The following PPP1R12B variants were observed in gnomAD, a reference collection of about 807,000 sequenced individuals.
The protein encoded by PPP1R12B is myosin phosphatase target subunit 2.
In PPP1R12B, 76 loss-of-function variants were observed where a neutral mutation model predicts 126.1. The observed-to-expected ratio is 0.60, with a 90% CI of 0.50 to 0.73. The LOEUF is 0.73. Ranked by LOEUF, PPP1R12B falls within the 30% of genes least tolerant of loss-of-function variation. The pLI is 0.00. For synonymous variants in PPP1R12B, 356 were observed against 434.7 expected, an observed-to-expected ratio of 0.82 and a Z score of 2.25; for missense variants, 1,052 against 1,205.1, an observed-to-expected ratio of 0.87 and a Z score of 1.88.
In PPP1R12B at chr1:202,565,230, C is replaced by T. The variant is rs1240276111; in HGVS notation, c.2757+683C>T. Among the ~76,000 whole-genome samples, 5 of 152,214 alleles carry T rather than the reference C, an allele frequency of 3.3e-5. No homozygotes were observed. The highest frequency in any genetic ancestry group is 2.1e-4 in the South Asian group (1 of 4,830). ...ACCTTGTCACCAGTGAAACAAACTC[C>T]GCAGCTGAAAGCTAAAGCAAGCACT... On this transcript the variant is annotated intron_variant, in intron 21 of 23. Coordinates refer to ENST00000608999, the MANE Select transcript of PPP1R12B (RefSeq NM_002481.4). This position sits in a 1 kb window ranked among gnomAD's most constrained non-coding sequence, Gnocchi z 4.3.
Position 202,348,858 on chromosome 1 carries a change from G to A in PPP1R12B, c.7G>A (p.Glu3Lys), listed in dbSNP as rs750899954. 3 of 1,608,168 alleles carry A rather than the reference G, an allele frequency of 1.9e-6. No individual in the cohort carries two copies. Among genetic ancestry groups the A allele is most frequent in the Non-Finnish European group, 2.5e-6 (3 of 1,178,572 alleles). Residue 3 changes from glutamate (E) to lysine (K), a missense_variant, in exon 1 of 24, where the codon GAA becomes AAA. Physicochemically the swap from Glu to Lys is moderately conservative, Grantham distance 56. Transcript: ENST00000608999. MA[E>K]LEHLGGKRAE... is the part of the protein sequence containing the mutation. ...AGCTGCCGAGGCCGGAGCAATGGCGGAACTGGAGCACCTAGGAGGGAAGCG... is the reference window on the plus strand; with the variant it reads ...AGCTGCCGAGGCCGGAGCAATGGCGAAACTGGAGCACCTAGGAGGGAAGCG...
intron 13 of PPP1R12B, among the ~76,000 whole-genome samples, chr1:202,459,466 A>G (rs1674042139): frequency 1.3e-5 from 2 of 152,242 alleles, no homozygotes; most frequent in African/African-American, 4.8e-5. Flanking sequence ...CATACACAGT[A>G]CAGAACTTGT....
intron 23 of PPP1R12B, chr1:202,575,165 C>T: frequency 1.2e-6 from 2 of 1,602,618 alleles, no homozygotes. Flanking sequence ...AACTCACTTC[C>T]CTCCTCCACT....
intron 15 of PPP1R12B, among the ~76,000 whole-genome samples, chr1:202,493,545 C>A (rs552372077): frequency 6.6e-6 from 1 of 152,036 alleles, no homozygotes; most frequent in South Asian, 2.1e-4. Context: ...GAATAAATGT[C>A]CTTCTAGTCT....
At chr1:202,574,839 A>T in intron 23 of PPP1R12B, 2 of 612,562 alleles carry the variant, frequency 3.3e-6, no homozygotes, top group Non-Finnish European at 5.5e-6. Context: ...CCTGCCACCC[A>T]TTTGCTCCAT....
At position 202,496,835 on chromosome 1, in the gene PPP1R12B, C is replaced by A. The variant is rs1428643002; in HGVS notation, c.2490+13C>A. ...CAAAGAAACGTGGGTAAGTGACAAG[C>A]CAGTGAAGCATGTCTCTTGAGAGCA... On this transcript the variant is annotated intron_variant, in intron 18 of 23. Transcript: ENST00000608999. 7 of 1,606,548 alleles carry A rather than the reference C, an allele frequency of 4.4e-6. No individual in the cohort carries two copies. Among genetic ancestry groups the A allele is most frequent in the Non-Finnish European group, 6.0e-6 (7 of 1,173,632 alleles).
At chr1:202,514,799 C>G (rs1681922285) in intron 18 of PPP1R12B, among the ~76,000 whole-genome samples, 2 of 152,096 alleles carry the variant, frequency 1.3e-5, no homozygotes, top group South Asian at 4.1e-4. Context: ...TGGGTATATA[C>G]TCAGAGGAAT....
intron 13 of PPP1R12B, among the ~76,000 whole-genome samples, chr1:202,452,832 C>CTT (rs998403194): frequency 1.4e-5 from 2 of 142,262 alleles, no homozygotes; most frequent in Admixed American, 7.0e-5. Flanking sequence ...CTCTCTCTCT[C>CTT]TTTTTTTTTT....
chr1:202,536,620 A>G (rs1684554131), intron 18 of PPP1R12B, among the ~76,000 whole-genome samples: 1 of 152,186 alleles, frequency 6.6e-6, no homozygotes, highest in Non-Finnish European at 1.5e-5. Context: ...TTCTTCAATA[A>G]TAAATAACCT....
chr1:202,377,208 G>A (rs1661308964), intron 1 of PPP1R12B, among the ~76,000 whole-genome samples: 1 of 151,578 alleles, frequency 6.6e-6, no homozygotes, highest in Non-Finnish European at 1.5e-5. Flanking sequence ...AGAAGATAGA[G>A]GTTACTTTCA....
intron 18 of PPP1R12B, chr1:202,502,196 C>T (rs1472674485): frequency 7.1e-6 from 7 of 984,776 alleles, no homozygotes; most frequent in Non-Finnish European, 7.2e-6. Flanking sequence ...AGTCATCCCT[C>T]AAAACTGATT....
intron 18 of PPP1R12B, among the ~76,000 whole-genome samples, chr1:202,497,312 T>C (rs1679681331): frequency 6.6e-6 from 1 of 152,212 alleles, no homozygotes; most frequent in South Asian, 2.1e-4. Context: ...GACATCCAAC[T>C]CTTCCCTGCA....
At chr1:202,449,673 C>T (rs755259666) in intron 13 of PPP1R12B, among the ~76,000 whole-genome samples, 7 of 151,858 alleles carry the variant, frequency 4.6e-5, no homozygotes, top group East Asian at 2.0e-4. Flanking sequence ...AGACACTTAA[C>T]GCCGTTATGG....
chr1:202,556,517 A>T (rs560020296), intron 18 of PPP1R12B, among the ~76,000 whole-genome samples: 1 of 152,112 alleles, frequency 6.6e-6, no homozygotes, highest in Non-Finnish European at 1.5e-5. Flanking sequence ...TAAAAAATGT[A>T]TGTATCTCTT....
intron 13 of PPP1R12B, among the ~76,000 whole-genome samples, chr1:202,466,236 C>T (rs1037129843): frequency 6.6e-6 from 1 of 152,014 alleles, no homozygotes; most frequent in Non-Finnish European, 1.5e-5. Flanking sequence ...AAATTCTGCC[C>T]CACCCCCCAA....
chr1:202,375,398 A>G (rs932487508), intron 1 of PPP1R12B, among the ~76,000 whole-genome samples: 3 of 151,964 alleles, frequency 2.0e-5, no homozygotes, highest in Admixed American at 1.3e-4. Flanking sequence ...ATCATTTTTC[A>G]CTTTCTCAAT....
intron 18 of PPP1R12B, among the ~76,000 whole-genome samples, chr1:202,549,462 C>T (rs1686079211): frequency 4.6e-5 from 7 of 151,206 alleles, no homozygotes; most frequent in Admixed American, 3.9e-4. Context: ...CTCTGTTGCC[C>T]AGGCTGGAGT....
At chr1:202,352,192 G>A (rs976619547) in intron 1 of PPP1R12B, among the ~76,000 whole-genome samples, 9 of 152,238 alleles carry the variant, frequency 5.9e-5, no homozygotes, top group South Asian at 2.1e-4. Context: ...TTTCATTTGC[G>A]TATACACATT....
At chr1:202,365,550 C>T (rs1659071088) in intron 1 of PPP1R12B, among the ~76,000 whole-genome samples, 1 of 152,040 alleles carries the variant, frequency 6.6e-6, no homozygotes, top group Non-Finnish European at 1.5e-5. Flanking sequence ...TGGTTTATTC[C>T]ACTTAATGAT....
Sources: allele counts gnomAD v4.1 joint callset (sites outside exome capture counted in the v4.1 genomes callset), GRCh38; gene constraint gnomAD v4.1.1; non-coding constraint Gnocchi (gnomAD v3.1); transcripts MANE v1.5; gene names NCBI Gene and HGNC (gene_info 2026-07-23, HGNC 2026-07-21).